PTPRT: variants seen among roughly 807,000 people sequenced by gnomAD.
PTPRT encodes receptor-type tyrosine-protein phosphatase T.
A neutral mutation model predicts 176.8 loss-of-function variants in PTPRT; 56 were observed. The observed-to-expected ratio is 0.32, with a 90% CI of 0.26 to 0.40. PTPRT has a LOEUF of 0.40. PTPRT is among the 10% of genes least tolerant of loss of function. The pLI, the probability that PTPRT is intolerant of heterozygous loss-of-function variation, is 1.00. For synonymous variants in PTPRT, 783 were observed against 739.0 expected (o/e 1.06, Z -0.96); for missense variants, 1,540 against 1,908.2 (o/e 0.81, Z 3.60).
chr20:42,901,537 C>T (rs73910607), intron 1 of PTPRT, among the ~76,000 whole-genome samples: 1,574 of 152,290 alleles, frequency 0.01, 20 homozygotes, highest in African/African-American at 0.036. Flanking sequence ...ATACCTGTCT[C>T]TGTGGAAGCT....
At chr20:42,196,450 T>C (rs1289817283) in intron 16 of PTPRT, among the ~76,000 whole-genome samples, 5 of 152,196 alleles carry the variant, frequency 3.3e-5, no homozygotes, top group Non-Finnish European at 5.9e-5. Context: ...ACCTCTAAAT[T>C]TATCATTCCT....
At chr20:42,363,018 C>G (rs897389345) in intron 9 of PTPRT, among the ~76,000 whole-genome samples, 5 of 138,984 alleles carry the variant, frequency 3.6e-5, no homozygotes, top group Non-Finnish European at 7.6e-5. Flanking sequence ...GCAGGAGAAT[C>G]ACTTGAATGC....
intron 7 of PTPRT, among the ~76,000 whole-genome samples, chr20:42,567,514 G>A (rs1159730011): frequency 1.3e-5 from 2 of 152,030 alleles, no homozygotes; most frequent in Non-Finnish European, 2.9e-5. Context: ...TTTCTTCCTC[G>A]ATCACACCCA....
intron 16 of PTPRT, among the ~76,000 whole-genome samples, chr20:42,197,843 C>G (rs903231107): frequency 1.3e-5 from 2 of 152,074 alleles, no homozygotes; most frequent in African/African-American, 4.8e-5. Context: ...TATGAGTATT[C>G]ATTTTGCTGT....
chr20:42,059,357 T>G, the PTPRT span, among the ~76,000 whole-genome samples: 9 of 152,192 alleles, frequency 5.9e-5, no homozygotes, highest in Non-Finnish European at 1.0e-4. Flanking sequence ...TCTGGAGGGC[T>G]GCCAGCAGGG....
intron 6 of PTPRT, among the ~76,000 whole-genome samples, chr20:42,680,870 T>C (rs1417706952): frequency 6.6e-6 from 1 of 152,222 alleles, no homozygotes; most frequent in Non-Finnish European, 1.5e-5. Flanking sequence ...TAAATGTCCC[T>C]ATCTCAAATG....
chr20:42,448,143 T>G lies in PTPRT; in HGVS notation c.1560+77A>C. ...ACTCACCTTTATACGTTCAGCAGAA[T>G]GGGTATTCACCAATGTCAGGCTGAA... is the stretch of plus-strand genomic sequence containing the variant. On this transcript the variant is annotated intron_variant, in intron 9 of 30. Transcript: ENST00000373187. 3 of 1,095,626 alleles carry G rather than the reference T, an allele frequency of 2.7e-6. No homozygotes were observed. In the South Asian group the frequency reaches 3.8e-5, roughly 14 times the overall value. 67.9% of individuals were successfully genotyped at this position (1,095,626 alleles called of 1,614,324 possible).
intron 7 of PTPRT, among the ~76,000 whole-genome samples, chr20:42,670,246 C>T (rs1013807819): frequency 3.9e-5 from 6 of 152,120 alleles, no homozygotes; most frequent in African/African-American, 9.7e-5. Flanking sequence ...CCTAAGTTCC[C>T]GGTTCTCTGC....
rs1208342397 is a variant in PTPRT at position 42,075,875 on chromosome 20, T to C, written c.*5004A>G. On this transcript the variant is annotated 3_prime_UTR_variant, in exon 31 of 31. Transcript: ENST00000373187. ...TTGCCCCAGACACTGAGATTTGCCCTTGTTCCAAGTGGCTCTGGCAAGCTG... is the reference window on the plus strand; with the variant it reads ...TTGCCCCAGACACTGAGATTTGCCCCTGTTCCAAGTGGCTCTGGCAAGCTG... 1 of 205,790 alleles carries C rather than the reference T, an allele frequency of 4.9e-6. No homozygotes were observed. The highest frequency in any genetic ancestry group is 9.9e-6 in the Non-Finnish European group (1 of 100,764). 12.7% of individuals were successfully genotyped at this position (205,790 alleles called of 1,614,324 possible).
At chr20:42,534,748 T>C (rs535709918) in intron 7 of PTPRT, among the ~76,000 whole-genome samples, 3 of 152,272 alleles carry the variant, frequency 2.0e-5, no homozygotes, top group Admixed American at 2.0e-4. Context: ...GCCATGTTTG[T>C]CCTCACTCTG....
intron 15 of PTPRT, among the ~76,000 whole-genome samples, chr20:42,222,532 C>T (rs555702431): frequency 3.3e-5 from 5 of 152,248 alleles, no homozygotes; most frequent in African/African-American, 1.2e-4. Context: ...GGTCTTAAGA[C>T]CTTCCTCTGA....
At chr20:42,682,708 C>A (rs1439274355) in intron 6 of PTPRT, among the ~76,000 whole-genome samples, 4 of 152,160 alleles carry the variant, frequency 2.6e-5, no homozygotes, top group Non-Finnish European at 1.5e-5. Context: ...GACAAGGATG[C>A]CAGGAGCCAT....
At chr20:42,105,224 G>C (rs930437544) in intron 24 of PTPRT, among the ~76,000 whole-genome samples, 4 of 152,202 alleles carry the variant, frequency 2.6e-5, no homozygotes, top group South Asian at 2.1e-4. Flanking sequence ...TTGGGTTCCA[G>C]TTGTCTACAG....
intron 1 of PTPRT, among the ~76,000 whole-genome samples, chr20:43,077,068 C>T (rs919323134): frequency 8.5e-5 from 13 of 152,134 alleles, no homozygotes; most frequent in African/African-American, 2.9e-4. Flanking sequence ...GCTAAAAGGA[C>T]CAATGTGATC....
chr20:43,121,363 T>G (rs567198072), intron 1 of PTPRT, among the ~76,000 whole-genome samples: 11 of 152,360 alleles, frequency 7.2e-5, no homozygotes, highest in Admixed American at 2.0e-4. Context: ...TAGCTATACC[T>G]CTAAGAATGA....
chr20:42,713,713 T>A (rs6030434), intron 6 of PTPRT, among the ~76,000 whole-genome samples: 17,975 of 152,088 alleles, frequency 0.12, 1,446 homozygotes, highest in African/African-American at 0.22. Flanking sequence ...GGTGACTGGA[T>A]CATGGGAGCG....
At chr20:42,130,675 T>C (rs535278002) in intron 18 of PTPRT, among the ~76,000 whole-genome samples, 1 of 152,320 alleles carries the variant, frequency 6.6e-6, no homozygotes, top group Admixed American at 6.5e-5. Flanking sequence ...ACTGAGTATC[T>C]GCCATGTGGC....
In PTPRT at chr20:42,472,579, C is replaced by A; in HGVS notation, c.1154-17G>T. 3.7e-6 allele frequency: 6 copies of A among 1,610,660 alleles called. No homozygotes were observed. Among genetic ancestry groups the A allele is most frequent in the Non-Finnish European group, 5.1e-6 (6 of 1,178,964 alleles). On this transcript the variant is annotated splice_polypyrimidine_tract_variant and intron_variant, in intron 7 of 30. Transcript: ENST00000373187. Reference sequence around the variant, plus strand: ...GTACCGGATCTGCAAAACATGCAGGCAAGAAACAAGGGTTCTGAAGAGACC... The same window carrying A: ...GTACCGGATCTGCAAAACATGCAGGAAAGAAACAAGGGTTCTGAAGAGACC...
intron 1 of PTPRT, among the ~76,000 whole-genome samples, chr20:42,949,776 C>G (rs866662255): frequency 3.3e-5 from 5 of 152,302 alleles, no homozygotes; most frequent in Non-Finnish European, 5.9e-5. Context: ...GTTTGCCAAA[C>G]CATTCCTGAA....
Sources: allele counts gnomAD v4.1 joint callset (sites outside exome capture counted in the v4.1 genomes callset), GRCh38; gene constraint gnomAD v4.1.1; transcripts MANE v1.5; gene names NCBI Gene and HGNC (gene_info 2026-07-23, HGNC 2026-07-21).